The following GAD1 variants were observed in gnomAD, a reference collection of about 807,000 sequenced individuals.
GAD1 encodes glutamate decarboxylase 1, also known as 67 kDa glutamic acid decarboxylase.
GAD1 carries 35 observed loss-of-function variants against 75.2 expected under a neutral mutation model. That is an observed-to-expected ratio of 0.47 (90% confidence interval 0.36 to 0.62). The LOEUF is 0.62. GAD1 is among the 20% of genes least tolerant of loss of function. The pLI is 0.00. For synonymous variants in GAD1, 257 were observed against 271.9 expected (o/e 0.95, Z 0.54); for missense variants, 490 against 758.5 (o/e 0.65, Z 4.16).
chr2:170,854,978 C>G (rs747627979), intron 14 of GAD1, among the ~76,000 whole-genome samples: 56 of 152,038 alleles, frequency 3.7e-4, no homozygotes, highest in Non-Finnish European at 7.2e-4. Context: ...TTATTTGTTT[C>G]AAAAATATTT....
intron 6 of GAD1, among the ~76,000 whole-genome samples, chr2:170,838,994 T>A (rs1331003466): frequency 6.6e-6 from 1 of 152,220 alleles, no homozygotes; most frequent in Non-Finnish European, 1.5e-5. Flanking sequence ...TATCTAGAAA[T>A]TGTTCTAAGC....
chr2:170,854,402 T>C (rs910270586), intron 14 of GAD1, among the ~76,000 whole-genome samples: 4 of 144,592 alleles, frequency 2.8e-5, no homozygotes, highest in African/African-American at 1.0e-4. Context: ...GAATTCTTTT[T>C]TTTTTTTTTT....
At chr2:170,845,930 T>C in intron 9 of GAD1, 79 bp from the exon 10 acceptor site, 5 of 1,498,486 alleles carry the variant, frequency 3.3e-6, no homozygotes, top group Non-Finnish European at 4.6e-6. Context: ...AAATTGCTTT[T>C]TGCTGCTGCT....
chr2:170,840,643 A>AGGAGGGAGGTAGGGAAG (rs1559279903), intron 6 of GAD1, among the ~76,000 whole-genome samples: 1 of 83,350 alleles, frequency 1.2e-5, no homozygotes, highest in African/African-American at 4.3e-5. Flanking sequence ...AAGGGAGGAA[A>AGGAGGGAGGTAGGGAAG]GGAGGGAGGT....
In GAD1 at chr2:170,847,801, TATATAACTCAGGCC is replaced by T. The variant is rs760861857; in HGVS notation, c.1119+11_1119+24del. On this transcript the variant is annotated intron_variant, in intron 11 of 16. Transcript: ENST00000358196. ...TTTGGTTGCATGTCGATGTAAGTGC[TATATAACTCAGGCC>T]AGTCCATGTGGGGGGTGGAGGCACC... is the stretch of plus-strand genomic sequence containing the variant. The T allele has an allele frequency of 2.2e-5, 35 of 1,583,434 alleles. No individual in the cohort carries two copies. The South Asian group carries it at 3.9e-4, about 17-fold the overall frequency.
chr2:170,837,708 CA>C (rs1293973806), intron 6 of GAD1, among the ~76,000 whole-genome samples: 3 of 152,058 alleles, frequency 2.0e-5, no homozygotes, highest in Non-Finnish European at 2.9e-5. Flanking sequence ...AGGAAAATAA[CA>C]AAACAAATAT....
chr2:170,829,293 C>A, intron 3 of GAD1, 182 bp from the exon 4 acceptor site: 1 of 660,156 alleles, frequency 1.5e-6, no homozygotes, highest in Non-Finnish European at 2.6e-6. Flanking sequence ...TGACATTTGG[C>A]ACTGCCCCCC....
rs1448745384 is a variant in GAD1, at chr2:170,849,205, TTAG to T, written c.1120-77_1120-75del. On this transcript the variant is annotated intron_variant, in intron 11 of 16. Transcript: ENST00000358196. ...CACCTTGTACTTTCTTGCTCATGTT[TTAG>T]TAGAAGTGAGGACTGACTAGTTTTA... 16 of 1,205,936 alleles carry T rather than the reference TTAG, an allele frequency of 1.3e-5. No individual in the cohort carries two copies. In the South Asian group the frequency reaches 1.4e-4, roughly 10 times the overall value. The allele number at this position is 1,205,936 out of a possible 1,614,324, so 74.7% of individuals were successfully genotyped here.
chr2:170,832,664 G>GCGCACACACACACA (rs1383855055), intron 5 of GAD1, among the ~76,000 whole-genome samples: 2 of 78,912 alleles, frequency 2.5e-5, no homozygotes, highest in African/African-American at 7.6e-5. Context: ...GCGCGCGCGC[G>GCGCACACACACACA]CACACACACA....
chr2:170,847,587 T>G, intron 10 of GAD1, 89 bp from the exon 11 acceptor site: 1 of 922,832 alleles, frequency 1.1e-6, no homozygotes, highest in Non-Finnish European at 1.8e-6. Context: ...CTGTTAGAAA[T>G]AAATGTTACA....
intron 3 of GAD1, among the ~76,000 whole-genome samples, chr2:170,822,496 C>G (rs926575679): frequency 6.6e-6 from 1 of 152,230 alleles, no homozygotes; most frequent in Non-Finnish European, 1.5e-5. Context: ...CACCCGGTGC[C>G]GTGCACTCTG....
At position 170,848,617 on chromosome 2, in the gene GAD1, A is replaced by G. The variant is rs1415376773; in HGVS notation, c.1120-669A>G. 4 of 489,156 alleles carry G rather than the reference A, an allele frequency of 8.2e-6. No individual in the cohort carries two copies. In the Admixed American group the frequency reaches 8.7e-5, roughly 11 times the overall value. The allele number at this position is 489,156 out of a possible 1,614,324, so 30.3% of individuals were successfully genotyped here. On this transcript the variant is annotated intron_variant, in intron 11 of 16. Transcript: ENST00000358196. Reference sequence around the variant, plus strand: ...TCCCAAATCTTCCCAGGAACACAAAAGATGCATTTTCACATGTGTGACTGG... The same window carrying G: ...TCCCAAATCTTCCCAGGAACACAAAGGATGCATTTTCACATGTGTGACTGG...
chr2:170,823,637 C>T (rs1294521195), intron 3 of GAD1, among the ~76,000 whole-genome samples: 1 of 151,928 alleles, frequency 6.6e-6, no homozygotes, highest in Non-Finnish European at 1.5e-5. Flanking sequence ...TAAATAGCCC[C>T]GTCCCACTCC....
At position 170,818,460 on chromosome 2, in the gene GAD1, G is replaced by A; in HGVS notation, c.-63-69G>A. On this transcript the variant is annotated intron_variant, in intron 1 of 16. Coordinates refer to ENST00000358196, the MANE Select transcript of GAD1 (RefSeq NM_000817.3). This position sits in a 1 kb window ranked among gnomAD's most constrained non-coding sequence, Gnocchi z 5.9. ...TTCAAGGGGAGCCTCCGTGCCCCCG[G>A]CTGCTCAGTCCCTCCGGTGTGCAGG... 4 of 830,900 alleles carry A rather than the reference G, an allele frequency of 4.8e-6. No individual in the cohort carries two copies. Among genetic ancestry groups the A allele is most frequent in the Non-Finnish European group, 8.4e-6 (4 of 474,472 alleles). The allele number at this position is 830,900 out of a possible 1,614,324, so 51.5% of individuals were successfully genotyped here. A position where few individuals can be genotyped will look rare whatever the true frequency, so the allele number is the denominator to read the frequency against.
At chr2:170,847,522 G>C (rs1702658734) in intron 10 of GAD1, among the ~76,000 whole-genome samples, 154 bp from the exon 11 acceptor site, 1 of 152,186 alleles carries the variant, frequency 6.6e-6, no homozygotes, top group South Asian at 2.1e-4. Context: ...GAGTGAATGA[G>C]CCAACAAAAC....
intron 6 of GAD1, among the ~76,000 whole-genome samples, chr2:170,838,021 C>A (rs1575437065): frequency 6.6e-6 from 1 of 152,198 alleles, no homozygotes; most frequent in Admixed American, 6.5e-5. Context: ...TGCTGTGACT[C>A]AGAATACTTA....
Position 170,818,362 on chromosome 2 carries a change from GCCCCCACCCCTGCGCAC to G in GAD1, c.-63-163_-63-147del. On this transcript the variant is annotated intron_variant, in intron 1 of 16. Transcript: ENST00000358196. The surrounding 1 kb of genome is among the most constrained non-coding windows in gnomAD (Gnocchi z 5.9). Reference sequence around the variant, plus strand: ...AGCTAGCGCGCACGTCTCCTCCGCTGCCCCCACCCCTGCGCACCCCTACCAGGCAGGCTCGCTGCCTT... The same window carrying G: ...AGCTAGCGCGCACGTCTCCTCCGCTGCCCTACCAGGCAGGCTCGCTGCCTT... The G allele has an allele frequency of 1.7e-6, 1 of 587,314 alleles. No homozygotes were observed. The highest frequency in any genetic ancestry group is 3.1e-6 in the Non-Finnish European group (1 of 326,672). The allele number at this position is 587,314 out of a possible 1,614,324, so 36.4% of individuals were successfully genotyped here.
chr2:170,832,355 C>T (rs111518915), intron 5 of GAD1, among the ~76,000 whole-genome samples: 6,754 of 152,052 alleles, frequency 0.044, 502 homozygotes, highest in African/African-American at 0.15. Context: ...GTAGATGCAT[C>T]GCTCCAACCT....
rs1167204443 is a variant in GAD1 at position 170,829,475 on chromosome 2, G to C, written c.146G>C (p.Gly49Ala). ...CTRKLGLKICGFLQRTNSLEE... is the reference protein window; with the variant it reads ...CTRKLGLKICAFLQRTNSLEE... ...CTCTGACCAGCTTCTTGTGCCATAG[G>C]CTTCTTGCAAAGGACCAACAGCCTG... The change falls in exon 4 of 17, where the codon GGC (glycine) becomes GCC (alanine). Residue 49 changes from glycine (G) to alanine (A), a missense_variant and splice_region_variant. By Grantham distance (60) the Gly-to-Ala change is moderately conservative. This residue lies in a region of GAD1 where 165 missense variants were observed against 216.4 expected (regional missense o/e 0.76). Transcript: ENST00000358196. 5 of 1,612,730 alleles carry C rather than the reference G, an allele frequency of 3.1e-6. No homozygotes were observed. In the Admixed American group the frequency reaches 5.0e-5, roughly 16 times the overall value.
Sources: allele counts gnomAD v4.1 joint callset (sites outside exome capture counted in the v4.1 genomes callset), GRCh38; gene constraint gnomAD v4.1.1; regional missense constraint gnomAD v4.1.1; non-coding constraint Gnocchi (gnomAD v3.1); transcripts MANE v1.5; gene names NCBI Gene and HGNC (gene_info 2026-07-23, HGNC 2026-07-21).